PREP: variants seen among roughly 807,000 people sequenced by gnomAD.
PREP encodes prolyl endopeptidase, also known as dJ355L5.1 (prolyl endopeptidase).
PREP carries 29 observed loss-of-function variants against 87.6 expected under a neutral mutation model. The observed-to-expected ratio is 0.33, with a 90% CI of 0.25 to 0.45. The LOEUF (loss-of-function observed/expected upper bound fraction) is 0.45. Among genes scored for constraint, PREP ranks in the 20% least tolerant of loss-of-function variants. PREP has a pLI of 1.00. For synonymous variants in PREP, 337 were observed against 328.6 expected, an observed-to-expected ratio of 1.03 and a Z score of -0.28; for missense variants, 695 against 886.5, an observed-to-expected ratio of 0.78 and a Z score of 2.74.
intron 9 of PREP, among the ~76,000 whole-genome samples, chr6:105,324,709 G>A (rs970093763): frequency 2.6e-5 from 4 of 152,150 alleles, no homozygotes; most frequent in African/African-American, 7.2e-5. Context: ...CATTTAAATG[G>A]AATAATCATT....
intron 7 of PREP, among the ~76,000 whole-genome samples, chr6:105,336,239 G>A (rs1018682791): frequency 6.6e-6 from 1 of 152,210 alleles, no homozygotes; most frequent in African/African-American, 2.4e-5. Context: ...CAGCCTGGGC[G>A]ACAGAACGAG....
At chr6:105,303,195 G>C (rs1211790923) in intron 10 of PREP, among the ~76,000 whole-genome samples, 2 of 152,084 alleles carry the variant, frequency 1.3e-5, no homozygotes, top group African/African-American at 2.4e-5. Context: ...CTCCTGAGTA[G>C]CCAGGACTTC....
chr6:105,352,373 T>C lies in PREP; in HGVS notation c.823+599A>G, dbSNP rs185253380. Among the ~76,000 whole-genome samples, 167 of 152,332 alleles carry C rather than the reference T, an allele frequency of 1.1e-3. 1 individual carries two copies. Among genetic ancestry groups the C allele is most frequent in the African/African-American group, 3.9e-3 (164 of 41,578 alleles). On this transcript the variant is annotated intron_variant, in intron 7 of 14. Coordinates refer to ENST00000652536, the MANE Select transcript of PREP (RefSeq NM_002726.5). ...CAGAATTTGTAACTGGCTGGTTCTA[T>C]GCTTATCATGATATGTAAGGCTTTG...
rs564634049 is a variant in PREP at position 105,396,111 on chromosome 6, T to A, written c.120+1742A>T. On this transcript the variant is annotated intron_variant, in intron 2 of 14. Coordinates refer to ENST00000652536, the MANE Select transcript of PREP (RefSeq NM_002726.5). Reference sequence around the variant, plus strand: ...CTCAGGTGTTTCTCACTTTGGAATTTCTGCCCATCCACTACTATAACCCAG... The same window carrying A: ...CTCAGGTGTTTCTCACTTTGGAATTACTGCCCATCCACTACTATAACCCAG... Among the ~76,000 whole-genome samples, 3 of 152,362 alleles carry A rather than the reference T, an allele frequency of 2.0e-5. No individual in the cohort carries two copies. The South Asian group carries it at 6.2e-4, about 32-fold the overall frequency.
chr6:105,294,254 G>T (rs1183173974), intron 10 of PREP, among the ~76,000 whole-genome samples: 1 of 152,176 alleles, frequency 6.6e-6, no homozygotes, highest in Admixed American at 6.5e-5. Flanking sequence ...GCCCCCAAAC[G>T]TGCAGATTTA....
intron 1 of PREP, among the ~76,000 whole-genome samples, chr6:105,399,177 C>G (rs1376772612): frequency 1.3e-5 from 2 of 152,148 alleles, no homozygotes; most frequent in East Asian, 1.9e-4. Flanking sequence ...AGTCTCTGAA[C>G]CACTCCAACA....
chr6:105,389,705 C>G (rs1773089053), intron 2 of PREP, among the ~76,000 whole-genome samples: 1 of 152,152 alleles, frequency 6.6e-6, no homozygotes, highest in African/African-American at 2.4e-5. Context: ...GAAAGGCAAT[C>G]AGACAGATCA....
chr6:105,366,404 C>A (rs1304765239), intron 6 of PREP, among the ~76,000 whole-genome samples: 1 of 152,198 alleles, frequency 6.6e-6, no homozygotes, highest in Non-Finnish European at 1.5e-5. Flanking sequence ...CCAGCATGGA[C>A]TTGCAAGATA....
At position 105,276,262 on chromosome 6, in the gene PREP, G is replaced by A. The variant is rs1422778594; in HGVS notation, c.*1882C>T. On this transcript the variant is annotated 3_prime_UTR_variant, in exon 15 of 15. Transcript: ENST00000652536. ...GCCAATCATGCTAGGCATTAAAAAC[G>A]TATTACTGTATTCCTCCTCCTCCTC... is the stretch of plus-strand genomic sequence containing the variant. Among the ~76,000 whole-genome samples, 3 of 152,238 alleles carry A rather than the reference G, an allele frequency of 2.0e-5. No homozygotes were observed. Among genetic ancestry groups the A allele is most frequent in the Non-Finnish European group, 4.4e-5 (3 of 68,038 alleles).
chr6:105,360,175 CA>C (rs1772210207), intron 6 of PREP, among the ~76,000 whole-genome samples: 1 of 150,062 alleles, frequency 6.7e-6, no homozygotes, highest in African/African-American at 2.5e-5. Flanking sequence ...ACCGAGATCT[CA>C]ACTTTAGTGC....
intron 12 of PREP, among the ~76,000 whole-genome samples, chr6:105,283,273 C>T (rs1488367992): frequency 6.6e-6 from 1 of 152,226 alleles, no homozygotes; most frequent in Non-Finnish European, 1.5e-5. Flanking sequence ...GCTTTATCAT[C>T]TGCAAATCGT....
chr6:105,369,262 T>C (rs1772474425), intron 5 of PREP, among the ~76,000 whole-genome samples: 1 of 152,142 alleles, frequency 6.6e-6, no homozygotes, highest in Non-Finnish European at 1.5e-5. Flanking sequence ...TAACAAAATA[T>C]GTGTAAGATC....
At chr6:105,290,747 A>G (rs538340132) in intron 10 of PREP, among the ~76,000 whole-genome samples, 1 of 152,304 alleles carries the variant, frequency 6.6e-6, no homozygotes, top group East Asian at 1.9e-4. Context: ...GGAGAAAACC[A>G]TTGAAAGCAC....
chr6:105,338,078 A>C (rs1054941070), intron 7 of PREP, among the ~76,000 whole-genome samples: 1 of 152,272 alleles, frequency 6.6e-6, no homozygotes, highest in Non-Finnish European at 1.5e-5. Context: ...GAAGAGAATA[A>C]GAAATGTACA....
intron 2 of PREP, among the ~76,000 whole-genome samples, chr6:105,380,346 C>T (rs189051061): frequency 5.3e-5 from 8 of 152,246 alleles, no homozygotes; most frequent in East Asian, 1.9e-4. Flanking sequence ...TGAGGCCAGA[C>T]GACCAGACAT....
At chr6:105,314,459 T>C (rs1455464676) in intron 10 of PREP, among the ~76,000 whole-genome samples, 1 of 152,270 alleles carries the variant, frequency 6.6e-6, no homozygotes. Context: ...ACAAAGTTTA[T>C]GGAATATTCT....
chr6:105,335,093 G>A (rs1406878364), intron 7 of PREP, among the ~76,000 whole-genome samples: 1 of 152,036 alleles, frequency 6.6e-6, no homozygotes, highest in South Asian at 2.1e-4. Flanking sequence ...TCTTCAATAC[G>A]TCCGTATCAT....
chr6:105,343,511 G>A (rs1172623987), intron 7 of PREP, among the ~76,000 whole-genome samples: 1 of 152,184 alleles, frequency 6.6e-6, no homozygotes, highest in East Asian at 1.9e-4. Context: ...GCCAACAGAA[G>A]CCAAAATTGA....
chr6:105,282,198 G>T (rs1770097385), intron 13 of PREP, among the ~76,000 whole-genome samples: 1 of 152,166 alleles, frequency 6.6e-6, no homozygotes, highest in African/African-American at 2.4e-5. Context: ...ATCCCCACTT[G>T]CTTTCACAGT....
Sources: allele counts gnomAD v4.1 joint callset (sites outside exome capture counted in the v4.1 genomes callset), GRCh38; gene constraint gnomAD v4.1.1; transcripts MANE v1.5; gene names NCBI Gene and HGNC (gene_info 2026-07-23, HGNC 2026-07-21).